MAP4: variants seen among roughly 807,000 people sequenced by gnomAD.
MAP4 encodes microtubule-associated protein 4.
In MAP4, 76 loss-of-function variants were observed where a neutral mutation model predicts 170.2. The ratio of observed to expected loss-of-function variants is 0.45; its 90% CI spans 0.37 to 0.54. The LOEUF is 0.54. Ranked by LOEUF, MAP4 falls within the 20% of genes least tolerant of loss-of-function variation. The pLI is 0.00. For missense variants in MAP4, 2,506 were observed against 2,748.0 expected (o/e 0.91, Z 1.97); for synonymous variants, 909 against 994.5 (o/e 0.91, Z 1.62).
chr3:48,028,728 C>T (rs898041934), intron 1 of MAP4, among the ~76,000 whole-genome samples: 12 of 151,342 alleles, frequency 7.9e-5, no homozygotes, highest in Admixed American at 5.3e-4. Context: ...GCCAAGATTG[C>T]GCCACTGCAC....
At chr3:48,044,182 T>G (rs1488081463) in intron 1 of MAP4, among the ~76,000 whole-genome samples, 1 of 148,262 alleles carries the variant, frequency 6.7e-6, no homozygotes, top group African/African-American at 2.5e-5. Flanking sequence ...TTTGAGACAG[T>G]CTCACTCTGT....
At chr3:48,073,750 G>A (rs2100142225) in intron 1 of MAP4, among the ~76,000 whole-genome samples, 1 of 151,816 alleles carries the variant, frequency 6.6e-6, no homozygotes, top group African/African-American at 2.4e-5. Flanking sequence ...AGCATCAAAA[G>A]GAATAAAATA....
chr3:47,973,866 T>C, intron 3 of MAP4: 1 of 985,396 alleles, frequency 1.0e-6, no homozygotes, highest in Non-Finnish European at 1.2e-6. Context: ...TGGTGTATTC[T>C]CTATGGCAAG....
chr3:48,054,854 T>C (rs1376883414), intron 1 of MAP4, among the ~76,000 whole-genome samples: 1 of 151,634 alleles, frequency 6.6e-6, no homozygotes, highest in Middle Eastern at 3.2e-3. Flanking sequence ...TCAGTCTTCT[T>C]TAGCTAAAAG....
chr3:47,916,755 A>G lies in MAP4; in HGVS notation c.1072T>C (p.Ser358Pro). 6.2e-7 allele frequency: 1 copy of G among 1,613,590 alleles called. No individual in the cohort carries two copies. Among genetic ancestry groups the G allele is most frequent in the Non-Finnish European group, 8.5e-7 (1 of 1,179,932 alleles). Residue 358 changes from serine to proline, a missense_variant, in exon 7 of 21, where the codon TCT becomes CCT. Transcript: ENST00000683076. ...VTLLKETERA[S>P]PIKMDLAPSK... ...GGGGCTAAGTCCATTTTTATAGGAG[A>G]TGCCCTCTCTGTTTCTTTCAACAGT...
At chr3:48,011,663 T>C (rs1421933426) in intron 1 of MAP4, among the ~76,000 whole-genome samples, 1 of 152,082 alleles carries the variant, frequency 6.6e-6, no homozygotes, top group African/African-American at 2.4e-5. Flanking sequence ...CTACTTTACA[T>C]ATAAAGTATT....
chr3:48,005,554 A>G (rs1460050482), intron 1 of MAP4, among the ~76,000 whole-genome samples: 2 of 152,132 alleles, frequency 1.3e-5, no homozygotes, highest in African/African-American at 4.8e-5. Flanking sequence ...TAAGGTTCTA[A>G]TAGTTTATTT....
chr3:48,054,363 C>T (rs2100129497), intron 1 of MAP4, among the ~76,000 whole-genome samples: 1 of 151,854 alleles, frequency 6.6e-6, no homozygotes, highest in Non-Finnish European at 1.5e-5. Context: ...CGGTGGCTCA[C>T]GCCTGTAATC....
intron 5 of MAP4, among the ~76,000 whole-genome samples, chr3:47,919,950 C>T (rs1303102647): frequency 6.6e-6 from 1 of 151,648 alleles, no homozygotes; most frequent in Admixed American, 6.6e-5. Context: ...GTTTGCCCAG[C>T]TAATTTTCTT....
intron 2 of MAP4, among the ~76,000 whole-genome samples, chr3:47,997,546 C>G (rs781449675): frequency 3.3e-5 from 5 of 151,086 alleles, no homozygotes; most frequent in Non-Finnish European, 5.9e-5. Flanking sequence ...AAGCTGTCAC[C>G]TTAAGAAACC....
At chr3:48,064,271 T>C (rs1162421217) in intron 1 of MAP4, among the ~76,000 whole-genome samples, 1 of 152,182 alleles carries the variant, frequency 6.6e-6, no homozygotes, top group Non-Finnish European at 1.5e-5. Flanking sequence ...TTGAGATATT[T>C]TGCAGACCCT....
chr3:48,064,257 G>A (rs1177492346), intron 1 of MAP4, among the ~76,000 whole-genome samples: 9 of 152,060 alleles, frequency 5.9e-5, no homozygotes, highest in Non-Finnish European at 1.2e-4. Flanking sequence ...ACCCAAGATC[G>A]TGTTTGAGAT....
At chr3:47,899,734 G>C (rs1277014211) in intron 10 of MAP4, among the ~76,000 whole-genome samples, 2 of 152,180 alleles carry the variant, frequency 1.3e-5, no homozygotes, top group Non-Finnish European at 2.9e-5. Context: ...TGCATCATTT[G>C]ACCTGATCCG....
intron 3 of MAP4, among the ~76,000 whole-genome samples, chr3:47,945,512 GGT>G (rs1168458409): frequency 6.6e-6 from 1 of 151,932 alleles, no homozygotes; most frequent in Non-Finnish European, 1.5e-5. Context: ...CTGATACCTA[GGT>G]GGTGCCTAAT....
chr3:48,073,651 C>T (rs2100142181), intron 1 of MAP4, among the ~76,000 whole-genome samples: 1 of 150,930 alleles, frequency 6.6e-6, no homozygotes, highest in African/African-American at 2.4e-5. Flanking sequence ...AGCAAGGCCA[C>T]AGAATACCAG....
intron 2 of MAP4, among the ~76,000 whole-genome samples, chr3:47,986,336 T>A (rs2100088656): frequency 6.6e-6 from 1 of 151,838 alleles, no homozygotes; most frequent in African/African-American, 2.4e-5. Flanking sequence ...TTTTGTTTTT[T>A]GGGGGGTTTT....
At chr3:48,082,028 G>C (rs1341157234) in intron 1 of MAP4, among the ~76,000 whole-genome samples, 1 of 152,024 alleles carries the variant, frequency 6.6e-6, no homozygotes, top group Non-Finnish European at 1.5e-5. Context: ...GCCAAAGCTG[G>C]AACAACTTGA....
Position 47,910,035 on chromosome 3 carries a change from T to C in MAP4, c.4386A>G (p.Ala1462=). ...KEGDSFPDTL[A]KNGQEIAPAQ... ...CTGGGGCTATCTCTTGCCCATTTTT[T>C]GCCAAGGTATCTGGAAAGGAATCAC... Residue 1462 remains alanine, a synonymous_variant, in exon 9 of 21, where the codon GCA becomes GCG. Transcript: ENST00000683076. 1 of 1,614,050 alleles carries C rather than the reference T, an allele frequency of 6.2e-7. No homozygotes were observed. Among genetic ancestry groups the C allele is most frequent in the Non-Finnish European group, 8.5e-7 (1 of 1,179,896 alleles).
intron 12 of MAP4, among the ~76,000 whole-genome samples, chr3:47,875,213 A>G (rs924574372): frequency 3.9e-5 from 6 of 152,264 alleles, no homozygotes; most frequent in Non-Finnish European, 7.3e-5. Flanking sequence ...CTGCAGGATG[A>G]TAACAGGGAA....
Sources: allele counts gnomAD v4.1 joint callset (sites outside exome capture counted in the v4.1 genomes callset), GRCh38; gene constraint gnomAD v4.1.1; transcripts MANE v1.5; gene names NCBI Gene and HGNC (gene_info 2026-07-23, HGNC 2026-07-21).